The following TENM2 variants were observed in gnomAD, a reference collection of about 807,000 sequenced individuals.
The protein encoded by TENM2 is teneurin transmembrane protein 2.
In TENM2, 52 loss-of-function variants were observed where a neutral mutation model predicts 245.2. The observed-to-expected ratio is 0.21, with a 90% confidence interval of 0.17 to 0.27. The LOEUF is 0.27. Ranked by LOEUF, TENM2 falls within the 10% of genes least tolerant of loss-of-function variation. TENM2 has a pLI of 1.00. For missense variants in TENM2, 3,046 were observed against 3,666.8 expected (o/e 0.83, Z 4.37); for synonymous variants, 1,363 against 1,438.9 (o/e 0.95, Z 1.19).
chr5:167,541,760 C>T lies in TENM2; in HGVS notation c.502+166287C>T, dbSNP rs1011741621. On this transcript the variant is annotated intron_variant, in intron 2 of 28. Transcript: ENST00000518659. ...ACCTCCAAGGAGCATTAATTCATTT[C>T]CTCTGAAACAATGTGCATTAGGAAA... Among the ~76,000 whole-genome samples, 25 of 152,220 alleles carry T rather than the reference C, an allele frequency of 1.6e-4. 1 individual carries two copies. The highest frequency in any genetic ancestry group is 3.4e-3 in the Middle Eastern group (1 of 294).
intron 12 of TENM2, among the ~76,000 whole-genome samples, chr5:168,133,792 C>T (rs887729616): frequency 6.6e-6 from 1 of 152,218 alleles, no homozygotes; most frequent in African/African-American, 2.4e-5. Context: ...AAAGACATGG[C>T]TCATCCATCC....
exon 12 of TENM2, chr5:168,126,906 C>A (rs992782123): frequency 1.2e-6 from 2 of 1,608,656 alleles, no homozygotes; most frequent in African/African-American, 1.3e-5. Flanking sequence ...ATGTGAATGC[C>A]GAGAGGGCTG....
chr5:167,332,893 G>A (rs1757542188), intron 1 of TENM2, among the ~76,000 whole-genome samples: 1 of 152,126 alleles, frequency 6.6e-6, no homozygotes, highest in Non-Finnish European at 1.5e-5. Context: ...AGAAGATACT[G>A]GCTATAGAGG....
At chr5:167,901,826 G>A (rs1775729740) in intron 3 of TENM2, among the ~76,000 whole-genome samples, 1 of 152,022 alleles carries the variant, frequency 6.6e-6, no homozygotes, top group South Asian at 2.1e-4. Flanking sequence ...ATACTAAATA[G>A]ATCCTCTTTA....
At chr5:167,572,081 A>G (rs763434143) in intron 2 of TENM2, among the ~76,000 whole-genome samples, 2 of 152,168 alleles carry the variant, frequency 1.3e-5, no homozygotes, top group Non-Finnish European at 1.5e-5. Flanking sequence ...CCTTAATGAT[A>G]AGTAGAGTTT....
chr5:168,250,167 GAT>G, intron 27 of TENM2, among the ~76,000 whole-genome samples: 1 of 143,848 alleles, frequency 7.0e-6, no homozygotes, highest in African/African-American at 2.6e-5. Flanking sequence ...TGGATGGATG[GAT>G]GGGTAAATAG....
At chr5:167,934,733 G>A (rs564707886) in intron 3 of TENM2, 53 of 310,258 alleles carry the variant, frequency 1.7e-4, no homozygotes, top group Non-Finnish European at 2.4e-4. Flanking sequence ...TACCAATATC[G>A]CTCGAACCTT....
chr5:167,321,801 T>TGGGG (rs1343498230), intron 1 of TENM2, among the ~76,000 whole-genome samples: 2 of 7,278 alleles, frequency 2.7e-4, no homozygotes, highest in African/African-American at 1.0e-3. Context: ...TTTTTTTTTT[T>TGGGG]GGGGGGGGGG....
chr5:167,923,925 A>G (rs1230494386), intron 3 of TENM2, among the ~76,000 whole-genome samples: 1 of 152,196 alleles, frequency 6.6e-6, no homozygotes. Context: ...GTGACTGTCA[A>G]GCAGAAACAT....
chr5:167,251,129 T>C, the TENM2 span, among the ~76,000 whole-genome samples: 1 of 152,060 alleles, frequency 6.6e-6, no homozygotes, highest in Non-Finnish European at 1.5e-5. Context: ...CTGAATACAT[T>C]CAGAGGGATT....
chr5:167,854,456 C>G (rs963584114), intron 2 of TENM2, among the ~76,000 whole-genome samples: 2 of 152,162 alleles, frequency 1.3e-5, no homozygotes, highest in Non-Finnish European at 2.9e-5. Context: ...AAAGTTCAAC[C>G]CTCTCTGCTT....
At chr5:167,576,923 A>T (rs1774732514) in intron 2 of TENM2, among the ~76,000 whole-genome samples, 1 of 152,218 alleles carries the variant, frequency 6.6e-6, no homozygotes, top group East Asian at 1.9e-4. Context: ...GCCCAATAGG[A>T]TTTTCCTCAG....
chr5:167,088,248 T>A, the TENM2 span, among the ~76,000 whole-genome samples: 1 of 152,168 alleles, frequency 6.6e-6, no homozygotes, highest in Non-Finnish European at 1.5e-5. Flanking sequence ...TGGAAATAAA[T>A]CACAATTGGG....
chr5:168,132,666 A>C (rs920356658), intron 12 of TENM2, among the ~76,000 whole-genome samples: 1 of 152,246 alleles, frequency 6.6e-6, no homozygotes, highest in Non-Finnish European at 1.5e-5. Flanking sequence ...CTCTTGCAAC[A>C]TAAACTCATG....
chr5:167,247,825 A>AT, the TENM2 span, among the ~76,000 whole-genome samples: 7 of 151,938 alleles, frequency 4.6e-5, no homozygotes, highest in Non-Finnish European at 8.8e-5. Context: ...CCTCTAATGG[A>AT]TTTTTTTTCT....
intron 4 of TENM2, among the ~76,000 whole-genome samples, chr5:167,984,044 C>A (rs1469238406): frequency 6.6e-6 from 1 of 152,076 alleles, no homozygotes; most frequent in Non-Finnish European, 1.5e-5. Flanking sequence ...ATAAACTCAC[C>A]CAATCCCCCT....
chr5:167,973,172 A>G (rs1781924707), intron 4 of TENM2, among the ~76,000 whole-genome samples: 1 of 152,236 alleles, frequency 6.6e-6, no homozygotes, highest in African/African-American at 2.4e-5. Flanking sequence ...TAACTATTAC[A>G]GAAAAGCATT....
At chr5:167,404,844 A>G (rs908314439) in intron 2 of TENM2, among the ~76,000 whole-genome samples, 1 of 152,154 alleles carries the variant, frequency 6.6e-6, no homozygotes, top group Admixed American at 6.6e-5. Flanking sequence ...GGTTTCTAGT[A>G]TATCACAGGC....
At chr5:167,306,327 G>T (rs1755673878) in intron 1 of TENM2, 1 of 152,212 alleles carries the variant, frequency 6.6e-6, no homozygotes, top group Non-Finnish European at 1.5e-5. Context: ...TCTCAAACCA[G>T]ATGGTCTTCT....
Sources: allele counts gnomAD v4.1 joint callset (sites outside exome capture counted in the v4.1 genomes callset), GRCh38; gene constraint gnomAD v4.1.1; transcripts MANE v1.5; gene names NCBI Gene and HGNC (gene_info 2026-07-23, HGNC 2026-07-21).